ABCG2: variants seen among roughly 807,000 people sequenced by gnomAD.
ABCG2 encodes the protein broad substrate specificity ATP-binding cassette transporter ABCG2.
ABCG2 carries 80 observed loss-of-function variants against 73.5 expected under a neutral mutation model. The ratio of observed to expected loss-of-function variants is 1.09; its 90% CI spans 0.91 to 1.31. ABCG2 has a LOEUF of 1.31. Ranked by LOEUF, ABCG2 falls within the 50% of genes most tolerant of loss-of-function variation. The pLI is 0.00. For synonymous variants in ABCG2, 269 were observed against 282.4 expected (o/e 0.95, Z 0.48); for missense variants, 796 against 786.2 (o/e 1.01, Z -0.15).
At chr4:88,229,694 T>G (rs892559329) in intron 1 of ABCG2, among the ~76,000 whole-genome samples, 7 of 152,126 alleles carry the variant, frequency 4.6e-5, no homozygotes, top group Admixed American at 6.6e-5. Context: ...CCCATTGCTT[T>G]CTTCTCCCCT....
chr4:88,110,113 C>A (rs921085194), intron 9 of ABCG2, among the ~76,000 whole-genome samples: 3 of 152,036 alleles, frequency 2.0e-5, no homozygotes, highest in Non-Finnish European at 4.4e-5. Context: ...CCACACTTAG[C>A]TCATTTTATT....
chr4:88,140,166 C>A (rs755020504), intron 1 of ABCG2, among the ~76,000 whole-genome samples, 152 bp from the exon 2 acceptor site: 1 of 152,160 alleles, frequency 6.6e-6, no homozygotes, highest in Non-Finnish European at 1.5e-5. Context: ...GTGATAAGAA[C>A]ATCCTAAAAA....
At chr4:88,195,840 A>C (rs1351835741) in intron 1 of ABCG2, among the ~76,000 whole-genome samples, 1 of 152,084 alleles carries the variant, frequency 6.6e-6, no homozygotes, top group Non-Finnish European at 1.5e-5. Flanking sequence ...TGTTTACTGA[A>C]GTTGTATGCA....
At position 88,113,472 on chromosome 4, in the gene ABCG2, T is replaced by C. The variant is rs1365873881; in HGVS notation, c.1025A>G (p.Tyr342Cys). 2 of 1,614,148 alleles carry C rather than the reference T, an allele frequency of 1.2e-6. No individual in the cohort carries two copies. Among genetic ancestry groups the C allele is most frequent in the African/African-American group, 1.3e-5 (1 of 75,034 alleles). ...ATGTAATTCAGCTTTTGTCTCTTTGTAGAAGGAGGAGTTGACATAAATCTC... is the reference window on the plus strand; with the variant it reads ...ATGTAATTCAGCTTTTGTCTCTTTGCAGAAGGAGGAGTTGACATAAATCTC... ...LAEIYVNSSF[Y>C]KETKAELHQL... is the part of the protein sequence containing the mutation. The change falls in exon 9 of 16, where the codon TAC (tyrosine) becomes TGC (cysteine). Residue 342 changes from tyrosine to cysteine, a missense_variant. Tyr to Cys is a radical substitution (Grantham distance 194). Coordinates refer to ENST00000237612, the MANE Select transcript of ABCG2 (RefSeq NM_004827.3).
rs764178218 is a variant in ABCG2 at position 88,139,927 on chromosome 4, T to C, written c.69A>G (p.Thr23=). ...TAAATGCCTTCAGGTCATTGGAAGC[T>C]GTCGCGGGGAAGCCATTGGTGTTTC... ...SQGNTNGFPA[T]ASNDLKAFTE... The change falls in exon 2 of 16, where the codon ACA becomes ACG. Residue 23 remains threonine (T), a synonymous_variant. Transcript: ENST00000237612. The C allele has an allele frequency of 6.2e-7, 1 of 1,614,182 alleles. No homozygotes were observed. Among genetic ancestry groups the C allele is most frequent in the South Asian group, 1.1e-5 (1 of 91,082 alleles).
intron 5 of ABCG2, among the ~76,000 whole-genome samples, chr4:88,123,191 C>T (rs1405401359): frequency 2.0e-5 from 3 of 152,098 alleles, no homozygotes; most frequent in Admixed American, 6.6e-5. Context: ...GCATCAAAGA[C>T]CAAAGGTAGA....
Position 88,131,055 on chromosome 4 carries a change from C to T in ABCG2, c.531+6G>A, listed in dbSNP as rs1367714391. ...GATCATGATGCTTTCAGTTTTTCCA[C>T]ATTACCTTGGAGTCTGCCACTTTAT... On this transcript the variant is annotated splice_donor_region_variant and intron_variant, in intron 5 of 15. Coordinates refer to ENST00000237612, the MANE Select transcript of ABCG2 (RefSeq NM_004827.3). 2 of 1,613,678 alleles carry T rather than the reference C, an allele frequency of 1.2e-6. No homozygotes were observed. The highest frequency in any genetic ancestry group is 1.7e-6 in the Non-Finnish European group (2 of 1,179,826).
At chr4:88,172,166 G>A (rs554709039) in intron 1 of ABCG2, among the ~76,000 whole-genome samples, 2 of 151,564 alleles carry the variant, frequency 1.3e-5, no homozygotes, top group South Asian at 2.1e-4. Flanking sequence ...ATGGTGGCAG[G>A]TGCCTGTAAT....
At chr4:88,117,278 C>T (rs1175529530) in intron 7 of ABCG2, among the ~76,000 whole-genome samples, 3 of 151,538 alleles carry the variant, frequency 2.0e-5, no homozygotes, top group Admixed American at 6.6e-5. Flanking sequence ...CAAGATTGTG[C>T]CACTGCACTC....
At chr4:88,108,409 G>A (rs563995195) in intron 9 of ABCG2, among the ~76,000 whole-genome samples, 8 of 152,094 alleles carry the variant, frequency 5.3e-5, no homozygotes, top group Non-Finnish European at 1.2e-4. Flanking sequence ...GTGTACGCCT[G>A]TAGTCCCAGC....
At chr4:88,191,088 A>G (rs113972065) in intron 1 of ABCG2, among the ~76,000 whole-genome samples, 2 of 149,670 alleles carry the variant, frequency 1.3e-5, no homozygotes, top group African/African-American at 4.9e-5. Context: ...TACACACACA[A>G]AAAAAAATTA....
At chr4:88,192,153 C>A (rs1728715424) in intron 1 of ABCG2, among the ~76,000 whole-genome samples, 1 of 150,078 alleles carries the variant, frequency 6.7e-6, no homozygotes, top group Non-Finnish European at 1.5e-5. Context: ...TGCACTCCAG[C>A]CTGGGCGACA....
chr4:88,167,737 G>A (rs576204382), intron 1 of ABCG2, among the ~76,000 whole-genome samples: 8 of 152,074 alleles, frequency 5.3e-5, no homozygotes, highest in Non-Finnish European at 1.0e-4. Flanking sequence ...ATCTTGATAT[G>A]TTAGAGTCAT....
chr4:88,174,391 A>G (rs532076568), intron 1 of ABCG2, among the ~76,000 whole-genome samples: 26 of 151,642 alleles, frequency 1.7e-4, no homozygotes, highest in African/African-American at 4.1e-4. Flanking sequence ...TCACTGTTCA[A>G]CTCTCACCTA....
chr4:88,217,122 T>C (rs1729843627), intron 1 of ABCG2, among the ~76,000 whole-genome samples: 2 of 152,278 alleles, frequency 1.3e-5, no homozygotes, highest in Middle Eastern at 6.8e-3. Context: ...ATGCCTTATC[T>C]GTTGCCTTAG....
intron 1 of ABCG2, among the ~76,000 whole-genome samples, chr4:88,146,749 A>T (rs532039094): frequency 6.6e-5 from 10 of 152,052 alleles, no homozygotes; most frequent in Non-Finnish European, 1.2e-4. Context: ...CACACCTGTG[A>T]TCCCACCTAC....
intron 1 of ABCG2, among the ~76,000 whole-genome samples, chr4:88,164,386 T>C (rs1727431836): frequency 6.6e-6 from 1 of 152,124 alleles, no homozygotes; most frequent in Non-Finnish European, 1.5e-5. Context: ...GTACTTCCCA[T>C]AATCCCCACG....
intron 7 of ABCG2, among the ~76,000 whole-genome samples, 198 bp from the exon 8 acceptor site, chr4:88,115,256 C>CTCTCTCTCTCTCTCTCTCTCTCTATA (rs1309360818): frequency 3.0e-4 from 21 of 69,852 alleles, no homozygotes; most frequent in African/African-American, 9.0e-4. Flanking sequence ...CTCTCTCTCT[C>CTCTCTCTCTCTCTCTCTCTCTCTATA]TATATATATA....
chr4:88,222,032 T>A (rs1331373232), intron 1 of ABCG2, among the ~76,000 whole-genome samples: 1 of 152,156 alleles, frequency 6.6e-6, no homozygotes, highest in Admixed American at 6.5e-5. Context: ...CTGGGCTAGG[T>A]CCAGGGCCCT....
Sources: gnomAD v4.1 joint callset for allele counts (sites outside exome capture counted in the v4.1 genomes callset) on GRCh38, gnomAD v4.1.1 for gene constraint, MANE v1.5 for transcripts, NCBI Gene and HGNC (gene_info 2026-07-23, HGNC 2026-07-21) for gene names.